The following PRPF8 variants were observed in gnomAD, a reference collection of about 807,000 sequenced individuals.
PRPF8 encodes the protein pre-mRNA-processing-splicing factor 8.
In PRPF8, 64 loss-of-function variants were observed where a neutral mutation model predicts 285.9. That is an observed-to-expected ratio of 0.22 (90% CI 0.18 to 0.28). The LOEUF (loss-of-function observed/expected upper bound fraction) is 0.28, where lower values mean the gene tolerates loss of function less well. PRPF8 is among the 10% of genes least tolerant of loss of function. PRPF8 has a pLI of 1.00. For synonymous variants in PRPF8, 1,325 were observed against 1,118.2 expected (o/e 1.18, Z -3.69); for missense variants, 1,426 against 3,026.7 (o/e 0.47, Z 12.41).
rs552398365 is a variant in PRPF8, at chr17:1,680,851, C to G, written c.993-20G>C. On this transcript the variant is annotated intron_variant, in intron 7 of 42. Transcript: ENST00000304992. ...TGGTACCTAAAATGAAAGGAAGAGT[C>G]AGCCAAAGTTTTCCCGCCCTGGCCC... 7.4e-6 allele frequency: 12 copies of G among 1,613,984 alleles called. No individual in the cohort carries two copies. The Admixed American group carries it at 1.0e-4, about 13-fold the overall frequency.
In PRPF8 at chr17:1,669,665, G is replaced by A. The variant is rs183257899; in HGVS notation, c.3774+3416C>T. 2.5e-3 allele frequency among the ~76,000 whole-genome samples: 373 copies of A among 152,226 alleles called. 4 individuals carry two copies. Among genetic ancestry groups the A allele is most frequent in the Admixed American group, 0.021 (326 of 15,288 alleles). On this transcript the variant is annotated intron_variant, in intron 24 of 42. Transcript: ENST00000304992. ...AGCTCCTGCTAAGGTCACCAATGAC[G>A]TCCTAACTGTCAAATCCAATGGATA... is the stretch of plus-strand genomic sequence containing the variant.
chr17:1,679,772 C>G lies in PRPF8; in HGVS notation c.1126G>C (p.Glu376Gln). ...ACAAACTCCGGGAGCTCAAATTCCT[C>G]ATCATCATCCGGCAATGGTTCCTGG... Reference protein sequence around the residue: ...KSQEPLPDDDEEFELPEFVEP... With the variant: ...KSQEPLPDDDQEFELPEFVEP... Residue 376 changes from glutamate (E) to glutamine (Q), a missense_variant, in exon 9 of 43, where the codon GAG becomes CAG. Glu to Gln is a conservative substitution (Grantham distance 29). Around this residue, in one of 34 missense-constraint regions of PRPF8, gnomAD observed 137 missense variants for 161.2 expected, o/e 0.85. Transcript: ENST00000304992. This position sits in a 1 kb window ranked among gnomAD's most constrained non-coding sequence, Gnocchi z 4.7. 1.9e-6 allele frequency: 3 copies of G among 1,614,198 alleles called. No individual in the cohort carries two copies. The highest frequency in any genetic ancestry group is 2.5e-6 in the Non-Finnish European group (3 of 1,180,048).
chr17:1,654,552 T>C (rs1475419371), intron 37 of PRPF8: 3 of 224,394 alleles, frequency 1.3e-5, no homozygotes, highest in African/African-American at 2.3e-5. Context: ...AGAGTCAGAC[T>C]GAAGCCCTAA....
In PRPF8 at chr17:1,676,134, C is replaced by G; in HGVS notation, c.2552+73G>C. On this transcript the variant is annotated intron_variant, in intron 17 of 42. Coordinates refer to ENST00000304992, the MANE Select transcript of PRPF8 (RefSeq NM_006445.4). The surrounding 1 kb of genome is among the most constrained non-coding windows in gnomAD (Gnocchi z 6.3). ...GAAAGACTGGGGCTACACCTTCTTT[C>G]TTTGGACTCTGAGGATGACGCCATT... is the stretch of plus-strand genomic sequence containing the variant. 1 of 1,612,102 alleles carries G rather than the reference C, an allele frequency of 6.2e-7. No individual in the cohort carries two copies. Among genetic ancestry groups the G allele is most frequent in the Non-Finnish European group, 8.5e-7 (1 of 1,179,872 alleles).
chr17:1,664,245 C>T (rs1911833772), intron 24 of PRPF8, among the ~76,000 whole-genome samples: 1 of 152,100 alleles, frequency 6.6e-6, no homozygotes. Flanking sequence ...GTTGCCCAGG[C>T]TGGTCTCGAA....
At chr17:1,667,831 C>T (rs1397751526) in intron 24 of PRPF8, among the ~76,000 whole-genome samples, 5 of 152,112 alleles carry the variant, frequency 3.3e-5, no homozygotes, top group Non-Finnish European at 5.9e-5. Flanking sequence ...CGTGAGCCAC[C>T]GCACCCGGCC....
In PRPF8 at chr17:1,676,706, A is replaced by G. The variant is rs779335854; in HGVS notation, c.2187T>C (p.Pro729=). Residue 729 remains proline, a synonymous_variant, in exon 16 of 43, where the codon CCT becomes CCC. Transcript: ENST00000304992. The surrounding 1 kb of genome is among the most constrained non-coding windows in gnomAD (Gnocchi z 6.3). ...CWKANIPWKV[P]GLPTPIENMI... ...TATTCTCTATGGGCGTCGGCAGCCC[A>G]GGGACCTAAAAGTCCAAAAAGCACA... 1 of 1,614,024 alleles carries G rather than the reference A, an allele frequency of 6.2e-7. No individual in the cohort carries two copies. Among genetic ancestry groups the G allele is most frequent in the South Asian group, 1.1e-5 (1 of 91,080 alleles).
intron 39 of PRPF8, chr17:1,652,233 T>C (rs1473855538): frequency 6.5e-6 from 2 of 306,984 alleles, no homozygotes; most frequent in African/African-American, 2.2e-5. Flanking sequence ...TTTGCCAACC[T>C]GACAGCCACT....
intron 34 of PRPF8, among the ~76,000 whole-genome samples, chr17:1,657,700 C>T (rs1911465282): frequency 7.1e-6 from 1 of 141,202 alleles, no homozygotes; most frequent in Admixed American, 6.9e-5. Flanking sequence ...CAGTGGCTCA[C>T]ACCTGTAATC....
chr17:1,676,656 T>C lies in PRPF8; in HGVS notation c.2237A>G (p.Lys746Arg). The part of the protein sequence containing the change: ...ENMILRYVKA[K>R]ADWWTNTAHY... ...GGCAGTGTTGGTCCACCAGTCAGCC[T>C]TGGCCTTCACGTATCGAAGGATCAT... The change falls in exon 16 of 43, where the codon AAG (lysine) becomes AGG (arginine). Residue 746 changes from lysine (K) to arginine (R), a missense_variant. Lys to Arg is a conservative substitution (Grantham distance 26). Coordinates refer to ENST00000304992, the MANE Select transcript of PRPF8 (RefSeq NM_006445.4). The surrounding 1 kb of genome is among the most constrained non-coding windows in gnomAD (Gnocchi z 6.3). 6.2e-7 allele frequency: 1 copy of C among 1,614,210 alleles called. No homozygotes were observed. Among genetic ancestry groups the C allele is most frequent in the Non-Finnish European group, 8.5e-7 (1 of 1,180,048 alleles).
Position 1,673,480 on chromosome 17 carries a change from G to A in PRPF8, c.3534C>T (p.Tyr1178=), listed in dbSNP as rs768418428. 10 of 1,614,160 alleles carry A rather than the reference G, an allele frequency of 6.2e-6. No homozygotes were observed. The highest frequency in any genetic ancestry group is 1.7e-5 in the Admixed American group (1 of 59,996). The part of the protein sequence containing the change: ...VQWENSFVSV[Y]SKDNPNLLFN... The stretch of plus-strand genomic sequence containing the variant: ...ACAGCAGGTTGGGGTTGTCCTTACT[G>A]TACACAGACACGAAGCTGTTCTCCC... The change falls in exon 23 of 43, where the codon TAC becomes TAT. Residue 1178 remains tyrosine, a synonymous_variant. Coordinates refer to ENST00000304992, the MANE Select transcript of PRPF8 (RefSeq NM_006445.4). This position sits in a 1 kb window ranked among gnomAD's most constrained non-coding sequence, Gnocchi z 5.5.
chr17:1,663,697 A>G (rs1425717694), intron 24 of PRPF8, among the ~76,000 whole-genome samples: 1 of 139,956 alleles, frequency 7.1e-6, no homozygotes, highest in African/African-American at 2.7e-5. Flanking sequence ...CAACCAAGGA[A>G]GAGACTCCAT....
intron 8 of PRPF8, among the ~76,000 whole-genome samples, chr17:1,680,059 A>C (rs1042204162): frequency 2.6e-5 from 4 of 152,170 alleles, no homozygotes; most frequent in African/African-American, 9.7e-5. Context: ...CCCCAACATC[A>C]CAGGAGGTCA....
chr17:1,659,687 C>T lies in PRPF8; in HGVS notation c.4947-139G>A, dbSNP rs1474911150. The T allele has an allele frequency of 2.2e-6, 3 of 1,356,272 alleles. No homozygotes were observed. Among genetic ancestry groups the T allele is most frequent in the Non-Finnish European group, 3.1e-6 (3 of 972,052 alleles). 84.0% of individuals were successfully genotyped at this position (1,356,272 alleles called of 1,614,324 possible). On this transcript the variant is annotated intron_variant, in intron 31 of 42. Transcript: ENST00000304992. This position sits in a 1 kb window ranked among gnomAD's most constrained non-coding sequence, Gnocchi z 5.1. Reference sequence around the variant, plus strand: ...GGTCAGCAGGACCCCAGAGAATCAGCAGATCTGACTAAGGGTGTTGACAGG... The same window carrying T: ...GGTCAGCAGGACCCCAGAGAATCAGTAGATCTGACTAAGGGTGTTGACAGG...
At chr17:1,668,070 C>A (rs1281775310) in intron 24 of PRPF8, among the ~76,000 whole-genome samples, 2 of 152,248 alleles carry the variant, frequency 1.3e-5, no homozygotes, top group Non-Finnish European at 2.9e-5. Flanking sequence ...CTATCAGTAT[C>A]CCTATTTTAC....
chr17:1,684,257 A>G (rs1388555397), intron 2 of PRPF8, among the ~76,000 whole-genome samples: 1 of 152,204 alleles, frequency 6.6e-6, no homozygotes, highest in Non-Finnish European at 1.5e-5. Context: ...AAACCCCGTA[A>G]GGACAGGAAT....
At chr17:1,684,642 A>G in intron 1 of PRPF8, 60 bp from the exon 2 acceptor site, 7 of 1,507,890 alleles carry the variant, frequency 4.6e-6, no homozygotes, top group Non-Finnish European at 6.4e-6. Flanking sequence ...CAAGAAGCGC[A>G]GCAGAAAGGC....
Position 1,651,477 on chromosome 17 carries a change from T to C in PRPF8, c.6587A>G (p.His2196Arg). The C allele has an allele frequency of 6.2e-7, 1 of 1,614,158 alleles. No homozygotes were observed. Among genetic ancestry groups the C allele is most frequent in the Non-Finnish European group, 8.5e-7 (1 of 1,180,008 alleles). ...PQLSPQDVTT[H>R]AKIMADNPSW... ...TGGGTTGTCAGCCATGATCTTGGCA[T>C]GGGTGGTGACATCCTGGGGTGATAA... Residue 2196 changes from histidine (H) to arginine (R), a missense_variant, in exon 41 of 43, where the codon CAT (histidine) becomes CGT (arginine). Coordinates refer to ENST00000304992, the MANE Select transcript of PRPF8 (RefSeq NM_006445.4). This position sits in a 1 kb window ranked among gnomAD's most constrained non-coding sequence, Gnocchi z 5.1.
chr17:1,674,784 C>A, intron 20 of PRPF8, 104 bp from the exon 21 acceptor site: 1 of 1,243,282 alleles, frequency 8.0e-7, no homozygotes, highest in South Asian at 1.2e-5. Flanking sequence ...CTTTTTTCCA[C>A]TCCCGAGGCG....
Sources: allele counts gnomAD v4.1 joint callset (sites outside exome capture counted in the v4.1 genomes callset), GRCh38; gene constraint gnomAD v4.1.1; regional missense constraint gnomAD v4.1.1; non-coding constraint Gnocchi (gnomAD v3.1); transcripts MANE v1.5; gene names NCBI Gene and HGNC (gene_info 2026-07-23, HGNC 2026-07-21).